ST6GAL1: variants seen among roughly 807,000 people sequenced by gnomAD.
ST6GAL1 encodes beta-galactoside alpha-2,6-sialyltransferase 1.
ST6GAL1 carries 20 observed loss-of-function variants against 38.0 expected under a neutral mutation model. The observed-to-expected ratio is 0.53, with a 90% CI of 0.37 to 0.77. The LOEUF (loss-of-function observed/expected upper bound fraction) is 0.77. Ranked by LOEUF, ST6GAL1 falls within the 30% of genes least tolerant of loss-of-function variation. The pLI, the probability that ST6GAL1 is intolerant of heterozygous loss-of-function variation, is 0.00. For missense variants in ST6GAL1, 432 were observed against 496.4 expected (o/e 0.87, Z 1.23); for synonymous variants, 196 against 188.2 (o/e 1.04, Z -0.34).
intron 4 of ST6GAL1, among the ~76,000 whole-genome samples, chr3:187,044,607 T>C (rs1241236746): frequency 6.6e-6 from 1 of 152,248 alleles, no homozygotes; most frequent in East Asian, 1.9e-4. Flanking sequence ...TAAGTTTCTT[T>C]CTTCTCCATT....
At chr3:187,019,856 C>G (rs1717236573) in intron 2 of ST6GAL1, among the ~76,000 whole-genome samples, 1 of 152,124 alleles carries the variant, frequency 6.6e-6, no homozygotes, top group Non-Finnish European at 1.5e-5. Context: ...AGATGAAGAT[C>G]AGGGCAGAGT....
At chr3:187,059,494 T>G (rs949500750) in intron 5 of ST6GAL1, among the ~76,000 whole-genome samples, 9 of 152,230 alleles carry the variant, frequency 5.9e-5, no homozygotes, top group Non-Finnish European at 1.3e-4. Flanking sequence ...TACTCTTAAT[T>G]AATTCATTCA....
At chr3:186,941,125 G>A (rs1289563615) in intron 1 of ST6GAL1, among the ~76,000 whole-genome samples, 2 of 152,190 alleles carry the variant, frequency 1.3e-5, no homozygotes, top group African/African-American at 4.8e-5. Flanking sequence ...AGCTTCAAGT[G>A]CAAACACTGA....
chr3:187,075,864 C>G lies in ST6GAL1; in HGVS notation c.*61C>G. ...ATGAATGGTCTCTTGGCCACCCCAGCCTGGGAAGAACATTTTCCTGAACAA... is the reference window on the plus strand; with the variant it reads ...ATGAATGGTCTCTTGGCCACCCCAGGCTGGGAAGAACATTTTCCTGAACAA... On this transcript the variant is annotated 3_prime_UTR_variant, in exon 8 of 8. Coordinates refer to ENST00000169298, the MANE Select transcript of ST6GAL1 (RefSeq NM_173216.2). The surrounding 1 kb of genome is among the most constrained non-coding windows in gnomAD (Gnocchi z 4.1). 6.3e-7 allele frequency: 1 copy of G among 1,595,112 alleles called. No individual in the cohort carries two copies. The highest frequency in any genetic ancestry group is 8.6e-7 in the Non-Finnish European group (1 of 1,169,542).
chr3:186,998,132 T>C (rs142696445), intron 2 of ST6GAL1, among the ~76,000 whole-genome samples: 21 of 152,234 alleles, frequency 1.4e-4, no homozygotes, highest in Admixed American at 2.0e-4. Context: ...AAGAAACAGA[T>C]GAAATTAATT....
intron 2 of ST6GAL1, among the ~76,000 whole-genome samples, chr3:186,975,385 G>C (rs1322274733): frequency 6.6e-6 from 1 of 152,220 alleles, no homozygotes; most frequent in Non-Finnish European, 1.5e-5. Context: ...TTGGGAGACT[G>C]TTGTGAGGGT....
At chr3:186,947,164 C>T (rs934144129) in intron 1 of ST6GAL1, among the ~76,000 whole-genome samples, 1 of 152,140 alleles carries the variant, frequency 6.6e-6, no homozygotes, top group East Asian at 1.9e-4. Flanking sequence ...GTGTGCACAG[C>T]ACACTAGATA....
intron 1 of ST6GAL1, among the ~76,000 whole-genome samples, chr3:186,939,904 C>G (rs1488645294): frequency 6.6e-6 from 1 of 152,228 alleles, no homozygotes; most frequent in Admixed American, 6.5e-5. Flanking sequence ...AGCAGGCCCT[C>G]TCTCACACCC....
chr3:187,052,881 C>T (rs1718564624), intron 5 of ST6GAL1, among the ~76,000 whole-genome samples: 1 of 152,208 alleles, frequency 6.6e-6, no homozygotes, highest in Non-Finnish European at 1.5e-5. Context: ...ATACTGTCTT[C>T]CACAATGGTT....
chr3:186,980,152 A>G lies in ST6GAL1; in HGVS notation c.-183+16226A>G, dbSNP rs1715645254. 2.0e-5 allele frequency among the ~76,000 whole-genome samples: 3 copies of G among 152,144 alleles called. No homozygotes were observed. The South Asian group carries it at 6.2e-4, about 31-fold the overall frequency. On this transcript the variant is annotated intron_variant, in intron 2 of 7. Coordinates refer to ENST00000169298, the MANE Select transcript of ST6GAL1 (RefSeq NM_173216.2). ...TTAACCATTGTGCCATTGGTCTACA[A>G]TTTGCCTGATCCTAAGAATCACCTG...
At chr3:187,018,815 G>T (rs368791508) in intron 2 of ST6GAL1, among the ~76,000 whole-genome samples, 1 of 152,172 alleles carries the variant, frequency 6.6e-6, no homozygotes, top group Non-Finnish European at 1.5e-5. Flanking sequence ...AGCAAGAATT[G>T]TGTCTATGGC....
chr3:187,066,167 A>G (rs1457197208), intron 5 of ST6GAL1, among the ~76,000 whole-genome samples: 1 of 152,322 alleles, frequency 6.6e-6, no homozygotes, highest in Non-Finnish European at 1.5e-5. Flanking sequence ...CCCCTGCCAT[A>G]CAGTCTATTA....
chr3:187,056,045 CT>C (rs1261375889), intron 5 of ST6GAL1, among the ~76,000 whole-genome samples: 1 of 152,142 alleles, frequency 6.6e-6, no homozygotes, highest in African/African-American at 2.4e-5. Flanking sequence ...CAATCGATCC[CT>C]TTACCATTAT....
intron 2 of ST6GAL1, among the ~76,000 whole-genome samples, chr3:186,995,589 A>G (rs892133457): frequency 1.3e-5 from 2 of 151,932 alleles, no homozygotes; most frequent in African/African-American, 4.8e-5. Flanking sequence ...CACTCCTGTA[A>G]TCCTAGCACT....
At chr3:186,939,201 G>C (rs1714075438) in intron 1 of ST6GAL1, among the ~76,000 whole-genome samples, 1 of 151,776 alleles carries the variant, frequency 6.6e-6, no homozygotes, top group Non-Finnish European at 1.5e-5. Context: ...CAGCCTCCGA[G>C]TAGCTGGGAC....
intron 2 of ST6GAL1, among the ~76,000 whole-genome samples, chr3:186,993,166 G>A (rs1304237173): frequency 1.3e-5 from 2 of 152,232 alleles, no homozygotes; most frequent in Non-Finnish European, 2.9e-5. Flanking sequence ...ATAAACACCT[G>A]CATGGGGAGT....
At chr3:186,979,266 C>T (rs777678376) in intron 2 of ST6GAL1, among the ~76,000 whole-genome samples, 3 of 152,046 alleles carry the variant, frequency 2.0e-5, no homozygotes, top group East Asian at 1.9e-4. Flanking sequence ...TGAGGCCTAG[C>T]GTTATTGATT....
At chr3:186,999,680 ATTACAGT>A (rs1716549186) in intron 2 of ST6GAL1, among the ~76,000 whole-genome samples, 1 of 152,020 alleles carries the variant, frequency 6.6e-6, no homozygotes, top group African/African-American at 2.4e-5. Context: ...AAGCACTGGG[ATTACAGT>A]CATGAGCCAC....
At chr3:187,050,890 CAAGAG>C (rs1178606746) in intron 4 of ST6GAL1, among the ~76,000 whole-genome samples, 1 of 152,142 alleles carries the variant, frequency 6.6e-6, no homozygotes, top group Non-Finnish European at 1.5e-5. Context: ...CTGGTGATAC[CAAGAG>C]AATATCTGGT....
Sources: gnomAD v4.1 joint callset for allele counts (sites outside exome capture counted in the v4.1 genomes callset) on GRCh38, gnomAD v4.1.1 for gene constraint, Gnocchi (gnomAD v3.1) non-coding constraint, MANE v1.5 for transcripts, NCBI Gene and HGNC (gene_info 2026-07-23, HGNC 2026-07-21) for gene names.